NT5DC3: variants seen among roughly 807,000 people sequenced by gnomAD.
The protein encoded by NT5DC3 is 5'-nucleotidase domain-containing protein 3.
Under a neutral mutation model 67.8 loss-of-function variants are expected in NT5DC3, and 42 were observed. The ratio of observed to expected loss-of-function variants is 0.62; its 90% confidence interval spans 0.48 to 0.80. The LOEUF (loss-of-function observed/expected upper bound fraction) is 0.80. Among genes scored for constraint, NT5DC3 ranks in the 30% least tolerant of loss-of-function variants. NT5DC3 has a pLI of 0.00. For synonymous variants in NT5DC3, 237 were observed against 255.6 expected, an observed-to-expected ratio of 0.93 and a Z score of 0.69; for missense variants, 570 against 696.4, an observed-to-expected ratio of 0.82 and a Z score of 2.04.
chr12:103,758,098 G>A, the NT5DC3 span: 30 of 1,600,592 alleles, frequency 1.9e-5, no homozygotes, highest in African/African-American at 2.9e-4. Context: ...TGATGCCCTG[G>A]GACCTTCTTC....
rs1021341608 is a variant in NT5DC3, at chr12:103,841,186, G to C, written c.-30C>G. On this transcript the variant is annotated 5_prime_UTR_variant, in exon 1 of 14. Transcript: ENST00000392876. Reference sequence around the variant, plus strand: ...GCTGCCTGCTGCCGCCACCGCCGCCGCGCCGCTCTGCGACTGCTGCTGCCC... The same window carrying C: ...GCTGCCTGCTGCCGCCACCGCCGCCCCGCCGCTCTGCGACTGCTGCTGCCC... The C allele has an allele frequency of 5.0e-6, 3 of 601,596 alleles. No individual in the cohort carries two copies. Among genetic ancestry groups the C allele is most frequent in the East Asian group, 8.0e-5 (2 of 24,964 alleles). 37.3% of individuals were successfully genotyped at this position (601,596 alleles called of 1,614,324 possible).
chr12:103,753,396 G>A, the NT5DC3 span: 26 of 1,613,194 alleles, frequency 1.6e-5, no homozygotes, highest in Non-Finnish European at 1.9e-5. Context: ...AGAGTCTGCA[G>A]GGGCGGAAGT....
At chr12:103,808,971 A>G (rs78640621) in intron 2 of NT5DC3, among the ~76,000 whole-genome samples, 2,487 of 152,288 alleles carry the variant, frequency 0.016, 62 homozygotes, top group African/African-American at 0.057. Context: ...AGGCATCTCA[A>G]GCCTATTTTA....
At position 103,794,126 on chromosome 12, in the gene NT5DC3, C is replaced by G. The variant is rs531677472; in HGVS notation, c.754-129G>C. ...TGACAATCCAGGCCCTACACAAAAT[C>G]TAAATTCTGGTCCATTTTCTTCTTC... On this transcript the variant is annotated intron_variant, in intron 6 of 13. Coordinates refer to ENST00000392876, the MANE Select transcript of NT5DC3 (RefSeq NM_001031701.3). 5.8e-5 allele frequency: 34 copies of G among 585,914 alleles called. 2 individuals carry two copies. In the South Asian group the frequency reaches 6.8e-4, roughly 12 times the overall value. The allele number at this position is 585,914 out of a possible 1,614,324, so 36.3% of individuals were successfully genotyped here. A position where few individuals can be genotyped will look rare whatever the true frequency, so the allele number is the denominator to read the frequency against.
In NT5DC3 at chr12:103,775,098, G is replaced by A. The variant is rs73192032; in HGVS notation, c.*2731C>T. 10,051 of 151,976 alleles carry A rather than the reference G, an allele frequency of 0.066. 400 individuals are homozygous for A. The highest frequency in any genetic ancestry group is 0.075 in the Middle Eastern group (22 of 294). The allele number at this position is 151,976 out of a possible 1,614,324, so 9.4% of individuals were successfully genotyped here. On this transcript the variant is annotated 3_prime_UTR_variant, in exon 14 of 14. Coordinates refer to ENST00000392876, the MANE Select transcript of NT5DC3 (RefSeq NM_001031701.3). ...AAGGATTAATAATAAAGTGGGATGT[G>A]CCTCCATCGTTCACATGGGAATGAC...
intron 4 of NT5DC3, among the ~76,000 whole-genome samples, chr12:103,803,622 C>G (rs1886672415): frequency 6.6e-6 from 1 of 152,088 alleles, no homozygotes; most frequent in African/African-American, 2.4e-5. Flanking sequence ...GATCCTCTCC[C>G]TTCTCCCACC....
rs1272289619 is a variant in NT5DC3, at chr12:103,816,717, G to A, written c.209-1596C>T. On this transcript the variant is annotated intron_variant, in intron 1 of 13. Transcript: ENST00000392876. ...GGATGTTGGTGATCTTATTTTTCCA[G>A]TATGCTGAAATGCTTTATTATTAGA... is the stretch of plus-strand genomic sequence containing the variant. Among the ~76,000 whole-genome samples, 4 of 152,084 alleles carry A rather than the reference G, an allele frequency of 2.6e-5. No individual in the cohort carries two copies. The East Asian group carries it at 5.8e-4, about 22-fold the overall frequency.
intron 1 of NT5DC3, among the ~76,000 whole-genome samples, chr12:103,831,182 C>T (rs901201601): frequency 6.6e-6 from 1 of 152,128 alleles, no homozygotes; most frequent in East Asian, 1.9e-4. Context: ...GGGGCAGCTT[C>T]CCCCATGCTG....
intron 10 of NT5DC3, 90 bp from the exon 11 acceptor site, chr12:103,787,617 G>A (rs1280513764): frequency 1.7e-6 from 1 of 595,648 alleles, no homozygotes; most frequent in Non-Finnish European, 2.7e-6. Flanking sequence ...AAAAATTGTT[G>A]TTTTTATAAC....
intron 1 of NT5DC3, among the ~76,000 whole-genome samples, chr12:103,830,335 T>C (rs1416411806): frequency 6.6e-6 from 1 of 152,218 alleles, no homozygotes; most frequent in Non-Finnish European, 1.5e-5. Context: ...TTTTATGATA[T>C]TCTCTTTGTC....
chr12:103,788,971 C>T (rs1447121686), intron 9 of NT5DC3, 52 bp from the exon 10 acceptor site: 7 of 1,200,330 alleles, frequency 5.8e-6, no homozygotes, highest in Non-Finnish European at 8.7e-6. Context: ...AGGCTGTCTG[C>T]TCTATGAAAT....
chr12:103,761,454 G>A, the NT5DC3 span: 68 of 1,556,428 alleles, frequency 4.4e-5, no homozygotes, highest in African/African-American at 8.6e-4. Flanking sequence ...AGGAGCCCCG[G>A]TGCCCACTCA....
chr12:103,785,801 G>C, intron 11 of NT5DC3: 1 of 476,784 alleles, frequency 2.1e-6, no homozygotes, highest in Non-Finnish European at 4.0e-6. Flanking sequence ...GGCAGAAAGG[G>C]GCTTGACCTA....
chr12:103,755,540 C>T, the NT5DC3 span: 1 of 1,609,178 alleles, frequency 6.2e-7, no homozygotes. Flanking sequence ...GCCAGTCACT[C>T]CCCAAGCAGA....
At chr12:103,797,079 G>A in intron 5 of NT5DC3, 48 bp from the exon 6 acceptor site, 1 of 1,607,234 alleles carries the variant, frequency 6.2e-7, no homozygotes, top group Non-Finnish European at 8.5e-7. Context: ...GCCCACGCAA[G>A]GGACAGAGCC....
At chr12:103,796,807 A>G in intron 6 of NT5DC3, 87 bp downstream of exon 6, 2 of 1,399,224 alleles carry the variant, frequency 1.4e-6, no homozygotes, top group Admixed American at 3.6e-5. Flanking sequence ...AAAACACCTA[A>G]CCTAGAAAGG....
intron 4 of NT5DC3, among the ~76,000 whole-genome samples, chr12:103,798,884 GAAT>G (rs1312956132): frequency 2.0e-5 from 3 of 152,190 alleles, no homozygotes; most frequent in Non-Finnish European, 1.5e-5. Flanking sequence ...ACAAGAGCAG[GAAT>G]AATAATAGTT....
intron 1 of NT5DC3, among the ~76,000 whole-genome samples, chr12:103,820,551 C>T (rs1887449662): frequency 6.6e-6 from 1 of 152,122 alleles, no homozygotes; most frequent in Non-Finnish European, 1.5e-5. Flanking sequence ...AGTACTTTGT[C>T]TTCTTTAATG....
At chr12:103,758,398 C>T in the NT5DC3 span, 8 of 1,535,220 alleles carry the variant, frequency 5.2e-6, no homozygotes, top group Admixed American at 1.8e-5. Context: ...ATTTATTTAG[C>T]TCACAGATCA....
Sources: allele counts gnomAD v4.1 joint callset (sites outside exome capture counted in the v4.1 genomes callset), GRCh38; gene constraint gnomAD v4.1.1; transcripts MANE v1.5; gene names NCBI Gene and HGNC (gene_info 2026-07-23, HGNC 2026-07-21).